GRIA3: variants seen among roughly 807,000 people sequenced by gnomAD.
GRIA3 encodes the protein glutamate receptor 3.
In GRIA3, 3 loss-of-function variants were observed where a neutral mutation model predicts 63.0. The ratio of observed to expected loss-of-function variants is 0.05; its 90% confidence interval spans 0.02 to 0.12. The LOEUF is 0.12. Ranked by LOEUF, GRIA3 falls within the 10% of genes least tolerant of loss-of-function variation. The pLI is 1.00. For missense variants in GRIA3, 347 were observed against 700.9 expected, an observed-to-expected ratio of 0.50 and a Z score of 5.70; for synonymous variants, 274 against 257.9, an observed-to-expected ratio of 1.06 and a Z score of -0.60.
chrX:123,235,666 G>A (rs2044297908), intron 2 of GRIA3, among the ~76,000 whole-genome samples: 1 of 111,565 alleles, frequency 9.0e-6, no homozygotes, highest in African/African-American at 3.3e-5. Flanking sequence ...GAAAGAGAAG[G>A]GAAATTGTGT....
intron 10 of GRIA3, among the ~76,000 whole-genome samples, chrX:123,412,380 G>T (rs1219189201): frequency 8.9e-6 from 1 of 112,007 alleles, no homozygotes; most frequent in Non-Finnish European, 1.9e-5. Context: ...ACGTTCAGGG[G>T]TACATGTGCA....
At chrX:123,463,576 A>AAGGAAGGAAGGAAGGAAGGGAGGGAGGG (rs1569440728) in intron 12 of GRIA3, among the ~76,000 whole-genome samples, 1 of 13,736 alleles carries the variant, frequency 7.3e-5, no homozygotes, top group African/African-American at 3.6e-4. Context: ...GGAAGGAAGG[A>AAGGAAGGAAGGAAGGAAGGGAGGGAGGG]AGGGAGGGAG....
At chrX:123,277,094 T>C (rs938468843) in intron 3 of GRIA3, among the ~76,000 whole-genome samples, 3 of 109,689 alleles carry the variant, frequency 2.7e-5, no homozygotes, top group Middle Eastern at 4.3e-3. Context: ...TCTGCCTGTT[T>C]TTTTTTTAAC....
At chrX:123,483,979 T>C (rs891830050) in intron 15 of GRIA3, among the ~76,000 whole-genome samples, 3 of 111,480 alleles carry the variant, frequency 2.7e-5, no homozygotes, top group Non-Finnish European at 5.7e-5. Context: ...CCTCAAGTAA[T>C]ACAGCACTTC....
At chrX:123,374,538 G>A (rs184437068) in intron 5 of GRIA3, among the ~76,000 whole-genome samples, 1 of 111,952 alleles carries the variant, frequency 8.9e-6, no homozygotes, top group East Asian at 2.8e-4. Context: ...TCGTTGAGCA[G>A]TGTTTTGTAG....
At chrX:123,296,654 T>C (rs1369526777) in intron 3 of GRIA3, among the ~76,000 whole-genome samples, 1 of 111,605 alleles carries the variant, frequency 9.0e-6, no homozygotes, top group Non-Finnish European at 1.9e-5. Flanking sequence ...CATTACTAAT[T>C]CTTGCACACA....
chrX:123,331,924 C>T (rs1021004078), intron 4 of GRIA3, among the ~76,000 whole-genome samples: 21 of 111,651 alleles, frequency 1.9e-4, no homozygotes, highest in Non-Finnish European at 3.6e-4. Flanking sequence ...GTGGAAAGCA[C>T]TTGGTACAGT....
At chrX:123,255,597 T>C (rs1391081751) in intron 3 of GRIA3, among the ~76,000 whole-genome samples, 2 of 105,014 alleles carry the variant, frequency 1.9e-5, no homozygotes, top group Non-Finnish European at 3.9e-5. Flanking sequence ...TATCCTCATC[T>C]AGTGTGACCC....
chrX:123,199,003 T>A (rs868149223), intron 2 of GRIA3, among the ~76,000 whole-genome samples: 2 of 111,872 alleles, frequency 1.8e-5, no homozygotes. Flanking sequence ...CTGAGTTTTT[T>A]AATTAAGGCT....
At chrX:123,257,841 C>T (rs1195638249) in intron 3 of GRIA3, among the ~76,000 whole-genome samples, 1 of 110,992 alleles carries the variant, frequency 9.0e-6, no homozygotes, top group Non-Finnish European at 1.9e-5. Flanking sequence ...GTAGCACAAC[C>T]AGGGTAAAGT....
intron 2 of GRIA3, among the ~76,000 whole-genome samples, chrX:123,244,933 G>C (rs2044349391): frequency 8.9e-6 from 1 of 112,406 alleles, no homozygotes; most frequent in Non-Finnish European, 1.9e-5. Context: ...AGTATATTTT[G>C]ATTGATCAGT....
chrX:123,472,417 T>C (rs949557086), intron 13 of GRIA3, among the ~76,000 whole-genome samples: 3 of 111,263 alleles, frequency 2.7e-5, no homozygotes, highest in African/African-American at 9.8e-5. Context: ...CACTTATATA[T>C]GATAAAACCC....
At chrX:123,213,413 A>C (rs1401851704) in intron 2 of GRIA3, among the ~76,000 whole-genome samples, 2 of 112,180 alleles carry the variant, frequency 1.8e-5, no homozygotes, top group Non-Finnish European at 3.8e-5. Context: ...TGTTACTTTT[A>C]AACATATTGT....
intron 4 of GRIA3, among the ~76,000 whole-genome samples, chrX:123,332,090 T>C (rs2147336682): frequency 9.0e-6 from 1 of 111,661 alleles, no homozygotes; most frequent in East Asian, 2.8e-4. Flanking sequence ...TCTAAGGTCA[T>C]ATCATGAGAG....
chrX:123,339,725 A>C (rs955353748), intron 4 of GRIA3, among the ~76,000 whole-genome samples: 2 of 112,469 alleles, frequency 1.8e-5, no homozygotes. Flanking sequence ...ATCCCCACTT[A>C]TGTGTCAGCA....
At chrX:123,448,908 A>G (rs908032605) in intron 12 of GRIA3, among the ~76,000 whole-genome samples, 2 of 112,166 alleles carry the variant, frequency 1.8e-5, no homozygotes, top group African/African-American at 6.5e-5. Context: ...TGTCAAATTC[A>G]TTATAAGCAA....
At position 123,326,006 on chromosome X, in the gene GRIA3, G is replaced by C. The variant is rs1264300977; in HGVS notation, c.509-20G>C. ...ACAGAAAGATTTTTAAATCATTGAA[G>C]CTGTTTTTCCTTCCTTCAGGATTTT... On this transcript the variant is annotated intron_variant, in intron 3 of 15. Coordinates refer to ENST00000620443, the MANE Select transcript of GRIA3 (RefSeq NM_007325.5). 1.7e-6 allele frequency: 2 copies of C among 1,174,608 alleles called. No individual in the cohort carries two copies. The highest frequency in any genetic ancestry group is 1.8e-5 in the African/African-American group (1 of 56,376).
chrX:123,429,857 G>C (rs932581234), intron 12 of GRIA3, among the ~76,000 whole-genome samples: 2 of 112,213 alleles, frequency 1.8e-5, no homozygotes, highest in Non-Finnish European at 3.8e-5. Flanking sequence ...AACAATTAGA[G>C]GTTAGAAAGT....
rs374449092 is a variant in GRIA3 at position 123,184,519 on chromosome X, T to C, written c.-17T>C. 363 of 1,161,975 alleles carry C rather than the reference T, an allele frequency of 3.1e-4. No homozygotes were observed. The highest frequency in any genetic ancestry group is 2.4e-3 in the Middle Eastern group (10 of 4,253). On this transcript the variant is annotated 5_prime_UTR_variant, in exon 1 of 16. Transcript: ENST00000620443. Reference sequence around the variant, plus strand: ...GAGTTGCGCCCATGCTCTTGTCAGCTTCGTTTTAGGCGTAGCATGGCCAGG... The same window carrying C: ...GAGTTGCGCCCATGCTCTTGTCAGCCTCGTTTTAGGCGTAGCATGGCCAGG...
Sources: gnomAD v4.1 joint callset for allele counts (sites outside exome capture counted in the v4.1 genomes callset) on GRCh38, gnomAD v4.1.1 for gene constraint, MANE v1.5 for transcripts, NCBI Gene and HGNC (gene_info 2026-07-23, HGNC 2026-07-21) for gene names.